Variants in KLHL42 observed in about 807,000 individuals in gnomAD.
The protein encoded by KLHL42 is kelch like family member 42, also known as kelch-like protein 42.
Under a neutral mutation model 32.7 loss-of-function variants are expected in KLHL42, and 27 were observed. The ratio of observed to expected loss-of-function variants is 0.83; its 90% CI spans 0.61 to 1.14. The LOEUF is 1.14. Among genes scored for constraint, KLHL42 ranks in the 50% most tolerant of loss-of-function variants. The pLI is 0.00. For synonymous variants in KLHL42, 267 were observed against 248.2 expected, an observed-to-expected ratio of 1.08 and a Z score of -0.71; for missense variants, 491 against 560.8, an observed-to-expected ratio of 0.88 and a Z score of 1.26.
Position 27,780,442 on chromosome 12 carries a change from A to T in KLHL42, c.112A>T (p.Met38Leu), listed in dbSNP as rs372461451. The T allele has an allele frequency of 2.6e-6, 4 of 1,549,130 alleles. No individual in the cohort carries two copies. Among genetic ancestry groups the T allele is most frequent in the Non-Finnish European group, 3.5e-6 (4 of 1,148,436 alleles). ...CTTCCGCGCCCTCTACCGCTCCGGCATGCGCGAGGCCCTGAGCCAGGAGGC... is the reference window on the plus strand; with the variant it reads ...CTTCCGCGCCCTCTACCGCTCCGGCTTGCGCGAGGCCCTGAGCCAGGAGGC... ...DYFRALYRSG[M>L]REALSQEAGG... is the part of the protein sequence containing the mutation. Residue 38 changes from methionine to leucine, a missense_variant, in exon 1 of 3, where the codon ATG (methionine) becomes TTG (leucine). Met to Leu is a conservative substitution (Grantham distance 15). Transcript: ENST00000381271. The surrounding 1 kb of genome is among the most constrained non-coding windows in gnomAD (Gnocchi z 8.8).
At chr12:27,783,387 T>C (rs1257011241) in intron 1 of KLHL42, among the ~76,000 whole-genome samples, 2 of 152,152 alleles carry the variant, frequency 1.3e-5, no homozygotes, top group Non-Finnish European at 2.9e-5. Flanking sequence ...TGTATAAGTA[T>C]ATTGATAGTG....
rs910392070 is a variant in KLHL42 at position 27,800,739 on chromosome 12, C to G, written c.*2573C>G. On this transcript the variant is annotated 3_prime_UTR_variant, in exon 3 of 3. Coordinates refer to ENST00000381271, the MANE Select transcript of KLHL42 (RefSeq NM_020782.2). The stretch of plus-strand genomic sequence containing the variant: ...AAAAAAAAGAAAAAAGAAAATCCCC[C>G]TTCATCCCCCAGGACTGTCCTTTAC... The G allele has an allele frequency of 6.5e-5, 10 of 152,910 alleles. No homozygotes were observed. Among genetic ancestry groups the G allele is most frequent in the African/African-American group, 2.4e-4 (10 of 41,560 alleles). 9.5% of individuals were successfully genotyped at this position (152,910 alleles called of 1,614,324 possible). A position where few individuals can be genotyped will look rare whatever the true frequency, so the allele number is the denominator to read the frequency against.
At position 27,795,437 on chromosome 12, in the gene KLHL42, A is replaced by G. The variant is rs571146567; in HGVS notation, c.1067-2278A>G. Among the ~76,000 whole-genome samples, 14 of 152,302 alleles carry G rather than the reference A, an allele frequency of 9.2e-5. No individual in the cohort carries two copies. In the South Asian group the frequency reaches 2.5e-3, roughly 27 times the overall value. On this transcript the variant is annotated intron_variant, in intron 2 of 2. Transcript: ENST00000381271. The stretch of plus-strand genomic sequence containing the variant: ...TTTCTGTCCTGGATTCCCTGAGCCA[A>G]ATACCCATGATGGGATGGTTCAGTG...
intron 1 of KLHL42, among the ~76,000 whole-genome samples, chr12:27,788,772 C>T (rs12301751): frequency 0.033 from 4,974 of 152,284 alleles, 194 homozygotes; most frequent in African/African-American, 0.092. Context: ...CCAATTTTCT[C>T]ACTTAAAACA....
chr12:27,787,695 G>C (rs564111130), intron 1 of KLHL42: 1 of 152,256 alleles, frequency 6.6e-6, no homozygotes, highest in South Asian at 2.1e-4. Context: ...TTCCATGTGT[G>C]AATACAGCAA....
rs552772663 is a variant in KLHL42, at chr12:27,799,622, G to A, written c.*1456G>A. 3.9e-5 allele frequency: 6 copies of A among 152,662 alleles called. 1 individual carries two copies. The highest frequency in any genetic ancestry group is 1.2e-4 in the African/African-American group (5 of 41,570). The allele number at this position is 152,662 out of a possible 1,614,324, so 9.5% of individuals were successfully genotyped here. On this transcript the variant is annotated 3_prime_UTR_variant, in exon 3 of 3. Coordinates refer to ENST00000381271, the MANE Select transcript of KLHL42 (RefSeq NM_020782.2). ...GAGTGCCTGGAGTATGCCGTCCACT[G>A]TGCAGATGTAGGACAGGGGCTAATC...
intron 1 of KLHL42, among the ~76,000 whole-genome samples, chr12:27,784,133 G>GTTTTTTTTT: frequency 7.3e-6 from 1 of 137,904 alleles, no homozygotes; most frequent in East Asian, 2.2e-4. Context: ...TTTTTTTTTT[G>GTTTTTTTTT]TTTTTGTTTT....
In KLHL42 at chr12:27,791,908, G is replaced by A; in HGVS notation, c.1066+7G>A. 2 of 1,613,344 alleles carry A rather than the reference G, an allele frequency of 1.2e-6. No individual in the cohort carries two copies. The highest frequency in any genetic ancestry group is 1.7e-6 in the Non-Finnish European group (2 of 1,179,692). ...GGAGGATACACTACCAGAGGTAAGT[G>A]AAGGGACCAGGTAGGTGGTCTGCCC... On this transcript the variant is annotated splice_region_variant and intron_variant, in intron 2 of 2. Coordinates refer to ENST00000381271, the MANE Select transcript of KLHL42 (RefSeq NM_020782.2).
chr12:27,788,811 T>C (rs2062184441), intron 1 of KLHL42, among the ~76,000 whole-genome samples: 1 of 152,258 alleles, frequency 6.6e-6, no homozygotes, highest in African/African-American at 2.4e-5. Flanking sequence ...TTTTTATTTA[T>C]TGCAAGGAAC....
chr12:27,794,893 T>G (rs1252110210), intron 2 of KLHL42, among the ~76,000 whole-genome samples: 2 of 151,892 alleles, frequency 1.3e-5, no homozygotes, highest in African/African-American at 4.8e-5. Flanking sequence ...AGTTTTCAAC[T>G]TTTTCTTTAC....
At chr12:27,781,256 G>A (rs2062147096) in intron 1 of KLHL42, 54 bp downstream of exon 1, 1 of 1,579,852 alleles carries the variant, frequency 6.3e-7, no homozygotes, top group Non-Finnish European at 8.6e-7. Flanking sequence ...TTGTTCATTA[G>A]TTCATTACCC....
chr12:27,784,139 GTT>G (rs916582197), intron 1 of KLHL42, among the ~76,000 whole-genome samples: 2 of 123,148 alleles, frequency 1.6e-5, no homozygotes, highest in Admixed American at 8.3e-5. Flanking sequence ...TTTTGTTTTT[GTT>G]TTTTTTTTTT....
chr12:27,787,017 G>A (rs1258269268), intron 1 of KLHL42, among the ~76,000 whole-genome samples: 3 of 151,778 alleles, frequency 2.0e-5, no homozygotes, highest in Non-Finnish European at 4.4e-5. Flanking sequence ...GAGCCACCGC[G>A]CCCGGCCAAT....
In KLHL42 at chr12:27,780,540, C is replaced by T; in HGVS notation, c.210C>T (p.Asn70=). 1 of 1,530,492 alleles carries T rather than the reference C, an allele frequency of 6.5e-7. No individual in the cohort carries two copies. 94.8% of individuals were successfully genotyped at this position (1,530,492 alleles called of 1,614,324 possible). A position where few individuals can be genotyped will look rare whatever the true frequency, so the allele number is the denominator to read the frequency against. Residue 70 remains asparagine (N), a synonymous_variant, in exon 1 of 3, where the codon AAC becomes AAT. Transcript: ENST00000381271. This position sits in a 1 kb window ranked among gnomAD's most constrained non-coding sequence, Gnocchi z 8.8. ...TGCGGCTGGTGCTGGACTTCATCAACGCCGGCGGGGCCCGCGAAGGCTGGC... is the reference window on the plus strand; with the variant it reads ...TGCGGCTGGTGCTGGACTTCATCAATGCCGGCGGGGCCCGCGAAGGCTGGC... ...PGLRLVLDFI[N]AGGAREGWLL... is the part of the protein sequence containing the mutation.
At position 27,791,705 on chromosome 12, in the gene KLHL42, C is replaced by G; in HGVS notation, c.873-3C>G. ...TCTGTGGGCCTTTGTGTCTCTCTTT[C>G]AGGTCTAACTTCAAACTTGTGGCTG... On this transcript the variant is annotated splice_region_variant and splice_polypyrimidine_tract_variant and intron_variant, in intron 1 of 2. Coordinates refer to ENST00000381271, the MANE Select transcript of KLHL42 (RefSeq NM_020782.2). 1 of 1,612,488 alleles carries G rather than the reference C, an allele frequency of 6.2e-7. No homozygotes were observed. Among genetic ancestry groups the G allele is most frequent in the South Asian group, 1.1e-5 (1 of 90,988 alleles).
At position 27,781,168 on chromosome 12, in the gene KLHL42, G is replaced by A; in HGVS notation, c.838G>A (p.Glu280Lys). The A allele has an allele frequency of 4.3e-6, 7 of 1,613,966 alleles. No individual in the cohort carries two copies. The highest frequency in any genetic ancestry group is 4.5e-5 in the East Asian group (2 of 44,892). Reference protein sequence around the residue: ...AAHSYNPSTNEWLQVASMNQK... With the variant: ...AAHSYNPSTNKWLQVASMNQK... ...GCATTCCTACAACCCCAGCACCAAC[G>A]AGTGGCTCCAGGTGGCCTCCATGAA... is the stretch of plus-strand genomic sequence containing the variant. The change falls in exon 1 of 3, where the codon GAG (glutamate) becomes AAG (lysine). Residue 280 changes from glutamate (E) to lysine (K), a missense_variant. By Grantham distance (56) the Glu-to-Lys change is moderately conservative (BLOSUM62 1). Around this residue, in one of 4 missense-constraint regions of KLHL42, gnomAD observed 248 missense variants for 329.2 expected, o/e 0.75. Coordinates refer to ENST00000381271, the MANE Select transcript of KLHL42 (RefSeq NM_020782.2).
At chr12:27,785,447 A>G (rs2062168021) in intron 1 of KLHL42, among the ~76,000 whole-genome samples, 1 of 152,116 alleles carries the variant, frequency 6.6e-6, no homozygotes, top group Non-Finnish European at 1.5e-5. Flanking sequence ...GGCCTCAGGT[A>G]ATCCTCCCAC....
chr12:27,781,676 T>A (rs1190139235), intron 1 of KLHL42, among the ~76,000 whole-genome samples: 1 of 152,152 alleles, frequency 6.6e-6, no homozygotes, highest in Non-Finnish European at 1.5e-5. Context: ...ATACCCATCA[T>A]GATCAAGAGA....
intron 1 of KLHL42, among the ~76,000 whole-genome samples, chr12:27,783,720 T>C (rs2062158780): frequency 6.6e-6 from 1 of 152,168 alleles, no homozygotes. Context: ...GAGCTGGGAC[T>C]ACAGGCGCCC....
Sources: gnomAD v4.1 joint callset for allele counts (sites outside exome capture counted in the v4.1 genomes callset) on GRCh38, gnomAD v4.1.1 for gene constraint, gnomAD v4.1.1 regional missense constraint, Gnocchi (gnomAD v3.1) non-coding constraint, MANE v1.5 for transcripts, NCBI Gene and HGNC (gene_info 2026-07-23, HGNC 2026-07-21) for gene names.